The following BLM variants were observed in gnomAD, a reference collection of about 807,000 sequenced individuals.
BLM encodes BLM RecQ like helicase.
BLM carries 95 observed loss-of-function variants against 135.3 expected under a neutral mutation model. The observed-to-expected ratio is 0.70, with a 90% CI of 0.59 to 0.83. BLM has a LOEUF of 0.83. Ranked by LOEUF, BLM falls within the 40% of genes least tolerant of loss-of-function variation. BLM has a pLI of 0.00. For synonymous variants in BLM, 520 were observed against 589.2 expected, an observed-to-expected ratio of 0.88 and a Z score of 1.70; for missense variants, 1,518 against 1,663.9, an observed-to-expected ratio of 0.91 and a Z score of 1.53.
At chr15:90,806,937 G>T (rs2283452) in intron 19 of BLM, among the ~76,000 whole-genome samples, 110,272 of 151,664 alleles carry the variant, frequency 0.73, 40,260 homozygotes, top group East Asian at 0.84. Flanking sequence ...AAAAAATTGT[G>T]TTTTACTGAT....
At chr15:90,721,682 C>T (rs1894770462) in intron 1 of BLM, among the ~76,000 whole-genome samples, 1 of 151,690 alleles carries the variant, frequency 6.6e-6, no homozygotes, top group African/African-American at 2.4e-5. Flanking sequence ...CCTGTAATCC[C>T]AGCACTTTGG....
chr15:90,803,121 C>A (rs911540068), intron 17 of BLM, among the ~76,000 whole-genome samples: 18 of 150,868 alleles, frequency 1.2e-4, no homozygotes, highest in Admixed American at 3.3e-4. Context: ...CATGATTGCA[C>A]CACTGCACTC....
At position 90,806,698 on chromosome 15, in the gene BLM, C is replaced by T. The variant is rs146145539; in HGVS notation, c.3751+2339C>T. On this transcript the variant is annotated intron_variant, in intron 19 of 21. Coordinates refer to ENST00000355112, the MANE Select transcript of BLM (RefSeq NM_000057.4). ...TTTCAGTAGTAGAGTTCCTGGAAAA[C>T]AACGTCTTCATATAGTTGGCCAGCT... Among the ~76,000 whole-genome samples the T allele has an allele frequency of 3.2e-3, 486 of 152,282 alleles. 2 individuals are homozygous for T. The highest frequency in any genetic ancestry group is 5.2e-3 in the Non-Finnish European group (355 of 68,032).
intron 12 of BLM, among the ~76,000 whole-genome samples, chr15:90,778,629 G>A (rs1896538564): frequency 6.6e-6 from 1 of 152,114 alleles, no homozygotes; most frequent in Admixed American, 6.5e-5. Context: ...CATCCAATAT[G>A]TGATCTTTTT....
At chr15:90,782,699 C>T (rs1329416172) in intron 12 of BLM, 123 bp from the exon 13 acceptor site, 3 of 723,394 alleles carry the variant, frequency 4.1e-6, no homozygotes, top group Admixed American at 2.3e-5. Context: ...CTCCCGGAGG[C>T]TCCAACTCCT....
intron 1 of BLM, among the ~76,000 whole-genome samples, 157 bp from the exon 2 acceptor site, chr15:90,747,232 T>C (rs1284775210): frequency 8.2e-6 from 1 of 122,496 alleles, no homozygotes; most frequent in African/African-American, 3.3e-5. Flanking sequence ...AAACAGTCTA[T>C]TGACCAAAAA....
At chr15:90,747,611 T>C (rs1439605723) in intron 2 of BLM, 121 bp downstream of exon 2, 1 of 738,378 alleles carries the variant, frequency 1.4e-6, no homozygotes, top group African/African-American at 1.8e-5. Context: ...AGAGATTCAT[T>C]GATTTTCCCA....
intron 1 of BLM, among the ~76,000 whole-genome samples, chr15:90,723,924 T>G: frequency 6.6e-6 from 1 of 152,210 alleles, no homozygotes; most frequent in Non-Finnish European, 1.5e-5. Flanking sequence ...CTGGCTTACT[T>G]CACTTTGCTT....
chr15:90,809,099 G>A (rs1356113427), intron 19 of BLM, 38 bp from the exon 20 acceptor site: 2 of 1,612,874 alleles, frequency 1.2e-6, no homozygotes, highest in Admixed American at 1.7e-5. Flanking sequence ...TTTTCTATGG[G>A]TGATAATTTA....
chr15:90,767,183 TTC>T (rs1213701174), intron 10 of BLM, among the ~76,000 whole-genome samples, 160 bp downstream of exon 10: 1 of 152,242 alleles, frequency 6.6e-6, no homozygotes, highest in African/African-American at 2.4e-5. Flanking sequence ...TTGCTTTGTA[TTC>T]TCTCTCTGCA....
chr15:90,755,139 G>C, intron 5 of BLM: 1 of 615,942 alleles, frequency 1.6e-6, no homozygotes, highest in South Asian at 2.2e-5. Context: ...CTCTCACAAG[G>C]GCGTTCATTC....
intron 5 of BLM, among the ~76,000 whole-genome samples, chr15:90,759,587 CCCTTTCTT>C (rs1236946320): frequency 1.5e-5 from 2 of 136,914 alleles, no homozygotes; most frequent in East Asian, 4.3e-4. Context: ...GAGCCAGACC[CCCTTTCTT>C]TCTTTCTTTC....
At chr15:90,799,803 C>T (rs566991948) in intron 17 of BLM, among the ~76,000 whole-genome samples, 2 of 151,918 alleles carry the variant, frequency 1.3e-5, no homozygotes, top group East Asian at 3.9e-4. Context: ...CAGATTTAGT[C>T]ATGTGTGGAT....
chr15:90,744,556 G>C (rs1207727858), intron 1 of BLM, among the ~76,000 whole-genome samples: 2 of 151,882 alleles, frequency 1.3e-5, no homozygotes, highest in African/African-American at 4.8e-5. Flanking sequence ...ATTTTTAGTA[G>C]AGACAGGGAT....
At position 90,749,723 on chromosome 15, in the gene BLM, A is replaced by G. The variant is rs749633106; in HGVS notation, c.455A>G (p.Asn152Ser). ...TCACCAGATTCTTTAAGTACCATCA[A>G]TGATTGGGATGATATGGATGACTTT... ...SSSPDSLSTI[N>S]DWDDMDDFDT... Residue 152 changes from asparagine (N) to serine (S), a missense_variant, in exon 3 of 22, where the codon AAT becomes AGT. By Grantham distance (46) the Asn-to-Ser change is conservative. Transcript: ENST00000355112. 2 of 1,614,226 alleles carry G rather than the reference A, an allele frequency of 1.2e-6. No individual in the cohort carries two copies. The highest frequency in any genetic ancestry group is 8.5e-7 in the Non-Finnish European group (1 of 1,180,030).
At chr15:90,792,192 G>A (rs998919428) in intron 15 of BLM, among the ~76,000 whole-genome samples, 18 of 148,908 alleles carry the variant, frequency 1.2e-4, no homozygotes, top group African/African-American at 4.5e-4. Flanking sequence ...TGCAACCTCT[G>A]CCTCCCAGAT....
intron 12 of BLM, 106 bp from the exon 13 acceptor site, chr15:90,782,716 A>G (rs1896646619): frequency 3.6e-6 from 3 of 838,648 alleles, no homozygotes; most frequent in Middle Eastern, 3.4e-4. Context: ...TCCTAATACC[A>G]TCACACTGGG....
intron 12 of BLM, among the ~76,000 whole-genome samples, chr15:90,772,509 G>A (rs1896349938): frequency 6.6e-6 from 1 of 152,174 alleles, no homozygotes. Flanking sequence ...AGCAAGGTAG[G>A]TACTCCTATT....
intron 1 of BLM, among the ~76,000 whole-genome samples, chr15:90,741,488 C>T (rs1415794327): frequency 6.6e-6 from 1 of 152,096 alleles, no homozygotes; most frequent in Non-Finnish European, 1.5e-5. Context: ...CCTATTTTCT[C>T]TTCTTTCTGG....
Sources: gnomAD v4.1 joint callset for allele counts (sites outside exome capture counted in the v4.1 genomes callset) on GRCh38, gnomAD v4.1.1 for gene constraint, MANE v1.5 for transcripts, NCBI Gene and HGNC (gene_info 2026-07-23, HGNC 2026-07-21) for gene names.